PBRM1: variants seen among roughly 807,000 people sequenced by gnomAD.
PBRM1 encodes the protein protein polybromo-1.
PBRM1 carries 27 observed loss-of-function variants against 194.5 expected under a neutral mutation model. The observed-to-expected ratio is 0.14, with a 90% confidence interval of 0.10 to 0.19. The LOEUF is 0.19. Ranked by LOEUF, PBRM1 falls within the 10% of genes least tolerant of loss-of-function variation. PBRM1 has a pLI of 1.00. For missense variants in PBRM1, 1,466 were observed against 2,077.2 expected, an observed-to-expected ratio of 0.71 and a Z score of 5.72; for synonymous variants, 655 against 693.2, an observed-to-expected ratio of 0.94 and a Z score of 0.87.
chr3:52,618,405 A>G (rs1290714734), intron 13 of PBRM1, among the ~76,000 whole-genome samples: 1 of 152,152 alleles, frequency 6.6e-6, no homozygotes, highest in Non-Finnish European at 1.5e-5. Context: ...AGACTTGCCC[A>G]AGGTAAGTTT....
intron 3 of PBRM1, among the ~76,000 whole-genome samples, chr3:52,664,663 G>T (rs1163069069): frequency 6.6e-6 from 1 of 151,298 alleles, no homozygotes. Flanking sequence ...CAACCCAGGA[G>T]GCAGAGGAAG....
At chr3:52,620,874 CCTT>C (rs2095247893) in intron 13 of PBRM1, among the ~76,000 whole-genome samples, 1 of 152,164 alleles carries the variant, frequency 6.6e-6, no homozygotes, top group African/African-American at 2.4e-5. Context: ...TCACTTATGA[CCTT>C]CTCTGAAAAA....
chr3:52,632,415 C>A (rs2095647761), intron 11 of PBRM1, among the ~76,000 whole-genome samples: 1 of 152,014 alleles, frequency 6.6e-6, no homozygotes, highest in African/African-American at 2.4e-5. Flanking sequence ...TTGGTCTCTA[C>A]AAAAACATTT....
At chr3:52,583,965 T>C (rs897604895) in intron 20 of PBRM1, among the ~76,000 whole-genome samples, 7 of 152,140 alleles carry the variant, frequency 4.6e-5, no homozygotes, top group African/African-American at 1.7e-4. Flanking sequence ...TTTTTAACTG[T>C]AGTTTTATAA....
chr3:52,561,610 C>T (rs1014165093), intron 25 of PBRM1, among the ~76,000 whole-genome samples, 157 bp downstream of exon 27: 1 of 152,194 alleles, frequency 6.6e-6, no homozygotes, highest in Non-Finnish European at 1.5e-5. Context: ...CAGGACAAGG[C>T]TAGCATCTAA....
chr3:52,678,135 T>C (rs2097144311), intron 2 of PBRM1, among the ~76,000 whole-genome samples: 4 of 152,170 alleles, frequency 2.6e-5, no homozygotes, highest in Admixed American at 6.5e-5. Flanking sequence ...GTCATTTTTT[T>C]TGTTTTTGTT....
chr3:52,641,600 T>C (rs759212675), intron 10 of PBRM1, among the ~76,000 whole-genome samples: 1 of 151,214 alleles, frequency 6.6e-6, no homozygotes, highest in Non-Finnish European at 1.5e-5. Context: ...CAAGAAGAAA[T>C]TAGAGCATAC....
At chr3:52,666,855 G>A (rs1460080536) in intron 3 of PBRM1, among the ~76,000 whole-genome samples, 2 of 148,156 alleles carry the variant, frequency 1.3e-5, no homozygotes, top group African/African-American at 5.0e-5. Context: ...TCACACCACT[G>A]CACTCCAGCC....
chr3:52,587,308 T>C, intron 19 of PBRM1, 45 bp downstream of exon 21: 1 of 1,361,878 alleles, frequency 7.3e-7, no homozygotes, highest in Non-Finnish European at 1.0e-6. Flanking sequence ...TAAAATTTTA[T>C]TCCTAGGGAA....
intron 14 of PBRM1, among the ~76,000 whole-genome samples, chr3:52,615,940 T>A (rs2094929485): frequency 6.6e-6 from 1 of 152,122 alleles, no homozygotes; most frequent in Non-Finnish European, 1.5e-5. Flanking sequence ...TGCTTAGGGA[T>A]CTCTCTCTGA....
intron 13 of PBRM1, among the ~76,000 whole-genome samples, chr3:52,621,490 G>A (rs2095273222): frequency 6.6e-6 from 1 of 152,114 alleles, no homozygotes; most frequent in Non-Finnish European, 1.5e-5. Context: ...ATGTCACTTT[G>A]CTTTTCAGAT....
chr3:52,547,676 T>A (rs1441203257), downstream of PBRM1: 1 of 234,012 alleles, frequency 4.3e-6, no homozygotes, highest in Non-Finnish European at 8.4e-6. Flanking sequence ...TTTCATTTTG[T>A]TCTTTTATAT....
Position 52,589,262 on chromosome 3 carries a change from TAAA to T in PBRM1, c.2780-10_2780-8del. ...TCTTCACTCTTTTCAGCTTCTTAGG[TAAA>T]AAAATAAATAAATAAAGGAAAAAGG... On this transcript the variant is annotated splice_region_variant and splice_polypyrimidine_tract_variant and intron_variant, in intron 17 of 29. Coordinates refer to ENST00000296302, the Ensembl canonical transcript of PBRM1. 6.6e-7 allele frequency: 1 copy of T among 1,505,894 alleles called. No individual in the cohort carries two copies. 93.3% of individuals were successfully genotyped at this position (1,505,894 alleles called of 1,614,324 possible). A position where few individuals can be genotyped will look rare whatever the true frequency, so the allele number is the denominator to read the frequency against.
chr3:52,647,449 AAAAAAAAAATATATATATATAT>A (rs1218898950), intron 7 of PBRM1, among the ~76,000 whole-genome samples: 2 of 82,118 alleles, frequency 2.4e-5, no homozygotes, highest in African/African-American at 4.4e-5. Context: ...AAAAAAAAAA[AAAAAAAAAATATATATATATAT>A]ATATATATAT....
chr3:52,623,569 C>A (rs561574482), intron 13 of PBRM1, among the ~76,000 whole-genome samples: 1 of 152,288 alleles, frequency 6.6e-6, no homozygotes, highest in African/African-American at 2.4e-5. Context: ...CCAAAATCTA[C>A]CAAGTCAATA....
chr3:52,662,441 G>C (rs2096743408), intron 3 of PBRM1, among the ~76,000 whole-genome samples, 165 bp from the exon 5 acceptor site: 1 of 152,142 alleles, frequency 6.6e-6, no homozygotes, highest in African/African-American at 2.4e-5. Context: ...AAAAAATTAA[G>C]TGTATGTTTT....
intron 3 of PBRM1, among the ~76,000 whole-genome samples, chr3:52,668,115 G>A (rs2096875783): frequency 6.6e-6 from 1 of 152,132 alleles, no homozygotes; most frequent in Admixed American, 6.5e-5. Flanking sequence ...GGGCAACATG[G>A]TGAAACCCTG....
At chr3:52,672,188 T>A (rs1031389247) in intron 2 of PBRM1, among the ~76,000 whole-genome samples, 1 of 152,118 alleles carries the variant, frequency 6.6e-6, no homozygotes, top group African/African-American at 2.4e-5. Flanking sequence ...TGGCTTGTAG[T>A]CTCCTTCCTC....
intron 22 of PBRM1, among the ~76,000 whole-genome samples, chr3:52,565,433 G>A (rs551557223): frequency 3.1e-4 from 47 of 151,768 alleles, no homozygotes; most frequent in African/African-American, 9.2e-4. Context: ...GCTTGAACCC[G>A]GAAGGCAGAG....
Sources: allele counts gnomAD v4.1 joint callset (sites outside exome capture counted in the v4.1 genomes callset), GRCh38; gene constraint gnomAD v4.1.1; transcripts MANE v1.5; gene names NCBI Gene and HGNC (gene_info 2026-07-23, HGNC 2026-07-21).